KCNAB1: variants seen among roughly 807,000 people sequenced by gnomAD.
KCNAB1 encodes voltage-gated potassium channel subunit beta-1.
KCNAB1 carries 35 observed loss-of-function variants against 64.6 expected under a neutral mutation model. The ratio of observed to expected loss-of-function variants is 0.54; its 90% confidence interval spans 0.41 to 0.72. The LOEUF (loss-of-function observed/expected upper bound fraction) is 0.72, where lower values mean the gene tolerates loss of function less well. Among genes scored for constraint, KCNAB1 ranks in the 30% least tolerant of loss-of-function variants. The pLI is 0.00. For synonymous variants in KCNAB1, 177 were observed against 183.8 expected, an observed-to-expected ratio of 0.96 and a Z score of 0.30; for missense variants, 401 against 512.9, an observed-to-expected ratio of 0.78 and a Z score of 2.11.
At chr3:156,160,134 A>G (rs1328071472) in intron 1 of KCNAB1, among the ~76,000 whole-genome samples, 1 of 152,198 alleles carries the variant, frequency 6.6e-6, no homozygotes, top group African/African-American at 2.4e-5. Context: ...GTCTAAGACT[A>G]GAAGAGAATT....
intron 1 of KCNAB1, among the ~76,000 whole-genome samples, chr3:156,173,243 GC>G (rs563994078): frequency 3.3e-5 from 5 of 152,154 alleles, no homozygotes; most frequent in Non-Finnish European, 5.9e-5. Flanking sequence ...AAGAAGCTCA[GC>G]CCTGATTTCA....
intron 7 of KCNAB1, among the ~76,000 whole-genome samples, chr3:156,467,235 A>G (rs896128055): frequency 2.0e-5 from 3 of 152,148 alleles, no homozygotes; most frequent in Admixed American, 6.5e-5. Flanking sequence ...AACTCCATGT[A>G]CAGTTTCTAC....
intron 8 of KCNAB1, among the ~76,000 whole-genome samples, chr3:156,486,890 T>C (rs988955129): frequency 2.0e-5 from 3 of 152,290 alleles, no homozygotes; most frequent in African/African-American, 7.2e-5. Context: ...TTTAGGTCTC[T>C]GTATTACCAT....
intron 1 of KCNAB1, among the ~76,000 whole-genome samples, chr3:156,156,582 A>G (rs1324165673): frequency 1.3e-5 from 2 of 152,332 alleles, no homozygotes; most frequent in Non-Finnish European, 2.9e-5. Context: ...ATAAATGGAT[A>G]TGATATGCAA....
At chr3:156,283,300 C>G (rs1378690423) in intron 1 of KCNAB1, among the ~76,000 whole-genome samples, 2 of 151,444 alleles carry the variant, frequency 1.3e-5, no homozygotes, top group Non-Finnish European at 2.9e-5. Flanking sequence ...GGCCCCCACT[C>G]TCTTCTGGCT....
In KCNAB1 at chr3:156,220,857, ATTT is replaced by A. The variant is rs1664897930; in HGVS notation, c.275+99972_275+99974del. Among the ~76,000 whole-genome samples, 8 of 152,326 alleles carry A rather than the reference ATTT, an allele frequency of 5.3e-5. No homozygotes were observed. The South Asian group carries it at 1.7e-3, about 32-fold the overall frequency. On this transcript the variant is annotated intron_variant, in intron 1 of 13. Coordinates refer to ENST00000490337, the MANE Select transcript of KCNAB1 (RefSeq NM_172160.3). ...GGGTTTTTATGGTGTGAGGTCTTAC[ATTT>A]AAGTCTTTAATCTGTCTTGACTTAA...
intron 1 of KCNAB1, among the ~76,000 whole-genome samples, chr3:156,370,705 TG>T (rs1726246103): frequency 6.6e-6 from 1 of 152,224 alleles, no homozygotes; most frequent in African/African-American, 2.4e-5. Context: ...TCTCTCCCAC[TG>T]TTGTGCCGAA....
chr3:156,119,249 G>A (rs1363930215), upstream of KCNAB1, among the ~76,000 whole-genome samples: 2 of 152,204 alleles, frequency 1.3e-5, no homozygotes, highest in Admixed American at 6.5e-5. Flanking sequence ...TACATTAAAG[G>A]AAGCAAGATA....
rs1018702843 is a variant in KCNAB1, at chr3:156,159,009, T to A, written c.275+38123T>A. Among the ~76,000 whole-genome samples the A allele has an allele frequency of 3.3e-5, 5 of 152,150 alleles. No individual in the cohort carries two copies. In the South Asian group the frequency reaches 6.2e-4, roughly 19 times the overall value. ...AAGCTGCCTGACTGAGAATGAAGACTCAGAATACTCTTGGTGGGAGAAGAG... is the reference window on the plus strand; with the variant it reads ...AAGCTGCCTGACTGAGAATGAAGACACAGAATACTCTTGGTGGGAGAAGAG... On this transcript the variant is annotated intron_variant, in intron 1 of 13. Transcript: ENST00000490337.
chr3:156,512,659 G>C (rs1717289653), intron 8 of KCNAB1, among the ~76,000 whole-genome samples: 1 of 152,222 alleles, frequency 6.6e-6, no homozygotes, highest in Non-Finnish European at 1.5e-5. Flanking sequence ...TTCTGGAACT[G>C]TTTATCATAG....
intron 1 of KCNAB1, among the ~76,000 whole-genome samples, chr3:156,224,278 C>G (rs1030669494): frequency 6.6e-6 from 1 of 152,246 alleles, no homozygotes; most frequent in Non-Finnish European, 1.5e-5. Context: ...AAGCACCGCA[C>G]GCAGCCCCGG....
intron 1 of KCNAB1, among the ~76,000 whole-genome samples, chr3:156,403,114 A>T (rs1015470921): frequency 6.6e-6 from 1 of 152,222 alleles, no homozygotes; most frequent in Non-Finnish European, 1.5e-5. Flanking sequence ...TATTTCATTC[A>T]AAGCTAATTC....
rs530347263 is a variant in KCNAB1 at position 156,418,617 on chromosome 3, G to C, written c.276-2999G>C. 1.9e-4 allele frequency among the ~76,000 whole-genome samples: 29 copies of C among 152,330 alleles called. 2 individuals carry two copies. The South Asian group carries it at 5.4e-3, about 28-fold the overall frequency. ...TCATGCCCTGAATTGGAGGTAGCTA[G>C]TTCCTCCTACCTTCTCCAGCTGCAA... On this transcript the variant is annotated intron_variant, in intron 1 of 13. Coordinates refer to ENST00000490337, the MANE Select transcript of KCNAB1 (RefSeq NM_172160.3).
intron 1 of KCNAB1, among the ~76,000 whole-genome samples, chr3:156,280,183 T>C (rs1719612992): frequency 6.6e-6 from 1 of 150,998 alleles, no homozygotes; most frequent in Admixed American, 6.6e-5. Flanking sequence ...GCTTTCTACG[T>C]ATGGCTAGCC....
At chr3:156,296,256 T>C (rs1720768533) in intron 1 of KCNAB1, among the ~76,000 whole-genome samples, 1 of 152,220 alleles carries the variant, frequency 6.6e-6, no homozygotes, top group South Asian at 2.1e-4. Context: ...GTTTGGGTTT[T>C]GTTTTTTTAA....
At chr3:156,191,215 C>T (rs1221823538) in intron 1 of KCNAB1, among the ~76,000 whole-genome samples, 7 of 152,260 alleles carry the variant, frequency 4.6e-5, no homozygotes, top group African/African-American at 7.2e-5. Context: ...CTCAAGGCAA[C>T]AGTTTGCTTT....
At chr3:156,260,496 A>G (rs1486059059) in intron 1 of KCNAB1, among the ~76,000 whole-genome samples, 1 of 152,210 alleles carries the variant, frequency 6.6e-6, no homozygotes, top group Non-Finnish European at 1.5e-5. Flanking sequence ...ATTTCTAGAC[A>G]TGTCATAAAA....
chr3:156,395,205 T>G (rs1008334591), intron 1 of KCNAB1, among the ~76,000 whole-genome samples: 3 of 152,196 alleles, frequency 2.0e-5, no homozygotes, highest in Admixed American at 2.0e-4. Context: ...TCTTGTGTAC[T>G]TAATCAATAA....
chr3:156,322,616 C>A (rs1036364799), intron 1 of KCNAB1, among the ~76,000 whole-genome samples: 1 of 152,092 alleles, frequency 6.6e-6, no homozygotes, highest in African/African-American at 2.4e-5. Context: ...ACCAGCCTTG[C>A]ACAGAGACCG....
Sources: allele counts gnomAD v4.1 joint callset (sites outside exome capture counted in the v4.1 genomes callset), GRCh38; gene constraint gnomAD v4.1.1; transcripts MANE v1.5; gene names NCBI Gene and HGNC (gene_info 2026-07-23, HGNC 2026-07-21).